Variants in SCUBE3 observed in about 807,000 individuals in gnomAD.
The protein encoded by SCUBE3 is signal peptide, CUB domain and EGF like domain containing 3.
In SCUBE3, 33 loss-of-function variants were observed where a neutral mutation model predicts 116.8. The ratio of observed to expected loss-of-function variants is 0.28; its 90% CI spans 0.21 to 0.38. SCUBE3 has a LOEUF of 0.38. SCUBE3 is among the 10% of genes least tolerant of loss of function. SCUBE3 has a pLI of 1.00. For synonymous variants in SCUBE3, 418 were observed against 496.9 expected (o/e 0.84, Z 2.11); for missense variants, 1,007 against 1,324.8 (o/e 0.76, Z 3.72).
At chr6:35,230,929 A>C (rs1245876307) in intron 3 of SCUBE3, among the ~76,000 whole-genome samples, 1 of 152,176 alleles carries the variant, frequency 6.6e-6, no homozygotes, top group East Asian at 1.9e-4. Context: ...AGATGGAATC[A>C]AGGTGTTGAA....
chr6:35,246,362 T>C, intron 21 of SCUBE3, 77 bp downstream of exon 21: 1 of 1,024,586 alleles, frequency 9.8e-7, no homozygotes, highest in Non-Finnish European at 1.5e-6. Context: ...GCTAAGTGCT[T>C]ACATGAATAT....
At chr6:35,215,250 G>A (rs1289416558) in intron 1 of SCUBE3, among the ~76,000 whole-genome samples, 1 of 152,098 alleles carries the variant, frequency 6.6e-6, no homozygotes, top group East Asian at 1.9e-4. Context: ...ATTCCAGGCC[G>A]GGGAGCTCTG....
At chr6:35,227,824 G>T (rs1248772446) in intron 2 of SCUBE3, 122 bp downstream of exon 2, 1 of 1,068,914 alleles carries the variant, frequency 9.4e-7, no homozygotes, top group Non-Finnish European at 1.4e-6. Context: ...CAAGTGGTGG[G>T]GGGGTGGTGA....
chr6:35,244,658 T>C lies in SCUBE3; in HGVS notation c.2248T>C (p.Ser750Pro). The C allele has an allele frequency of 6.2e-7, 1 of 1,613,880 alleles. No homozygotes were observed. The highest frequency in any genetic ancestry group is 8.5e-7 in the Non-Finnish European group (1 of 1,179,838). Reference protein sequence around the residue: ...FQDCDTKVQCSPGHYYNTSIH... With the variant: ...FQDCDTKVQCPPGHYYNTSIH... ...TTCTCCCTTGCCTACAGTCCAGTGCTCCCCAGGGCACTACTACAACACCAG... is the reference window on the plus strand; with the variant it reads ...TTCTCCCTTGCCTACAGTCCAGTGCCCCCCAGGGCACTACTACAACACCAG... Residue 750 changes from serine to proline, a missense_variant, in exon 18 of 22, where the codon TCC becomes CCC. By Grantham distance (74) the Ser-to-Pro change is moderately conservative. Coordinates refer to ENST00000274938, the MANE Select transcript of SCUBE3 (RefSeq NM_152753.4). This position sits in a 1 kb window ranked among gnomAD's most constrained non-coding sequence, Gnocchi z 4.3.
At position 35,231,765 on chromosome 6, in the gene SCUBE3, G is replaced by A. The variant is rs768277501; in HGVS notation, c.375G>A (p.Gln125=). The part of the protein sequence containing the change: ...ECAEGNGGCQ[Q]SCVNMMGSYE... ...CCGAGGGCAACGGCGGCTGTCAGCA[G>A]AGCTGTGTCAACATGATGGGCAGCT... is the stretch of plus-strand genomic sequence containing the variant. The change falls in exon 4 of 22, where the codon CAG becomes CAA. Residue 125 remains glutamine, a synonymous_variant. Coordinates refer to ENST00000274938, the MANE Select transcript of SCUBE3 (RefSeq NM_152753.4). This position sits in a 1 kb window ranked among gnomAD's most constrained non-coding sequence, Gnocchi z 4.2. 6.2e-7 allele frequency: 1 copy of A among 1,613,650 alleles called. No individual in the cohort carries two copies. The highest frequency in any genetic ancestry group is 1.1e-5 in the South Asian group (1 of 91,082).
In SCUBE3 at chr6:35,245,152, T is replaced by A. The variant is rs1784279017; in HGVS notation, c.2402-76T>A. The A allele has an allele frequency of 9.7e-6, 13 of 1,346,890 alleles. No individual in the cohort carries two copies. In the South Asian group the frequency reaches 1.6e-4, roughly 16 times the overall value. 83.4% of individuals were successfully genotyped at this position (1,346,890 alleles called of 1,614,324 possible). A position where few individuals can be genotyped will look rare whatever the true frequency, so the allele number is the denominator to read the frequency against. ...AAATGTCTGACCTCTACTTCAGAAC[T>A]CTTCAATTCCCCCAGCACACTTCCC... is the stretch of plus-strand genomic sequence containing the variant. On this transcript the variant is annotated intron_variant, in intron 18 of 21. Coordinates refer to ENST00000274938, the MANE Select transcript of SCUBE3 (RefSeq NM_152753.4). The surrounding 1 kb of genome is among the most constrained non-coding windows in gnomAD (Gnocchi z 4.2).
In SCUBE3 at chr6:35,244,024, T is replaced by C; in HGVS notation, c.2133T>C (p.Arg711=). The C allele has an allele frequency of 1.2e-6, 2 of 1,614,164 alleles. No homozygotes were observed. The highest frequency in any genetic ancestry group is 1.7e-6 in the Non-Finnish European group (2 of 1,180,008). ...DGFKPCQPCP[R]GTYQPEAGRT... ...TCAAGCCCTGTCAGCCATGCCCACG[T>C]GGCACCTACCAACCTGAAGCAGGAC... The change falls in exon 17 of 22, where the codon CGT becomes CGC. Residue 711 remains arginine, a synonymous_variant. Transcript: ENST00000274938. The surrounding 1 kb of genome is among the most constrained non-coding windows in gnomAD (Gnocchi z 4.3).
chr6:35,231,584 A>T lies in SCUBE3; in HGVS notation c.335-141A>T. 1.7e-6 allele frequency: 1 copy of T among 597,238 alleles called. No homozygotes were observed. Among genetic ancestry groups the T allele is most frequent in the Non-Finnish European group, 2.7e-6 (1 of 377,170 alleles). The allele number at this position is 597,238 out of a possible 1,614,324, so 37.0% of individuals were successfully genotyped here. A position where few individuals can be genotyped will look rare whatever the true frequency, so the allele number is the denominator to read the frequency against. ...TTTACACTTAGTGAAATATTAGCTG[A>T]CAAGGGTGTGAGGACTTCCTGGCTT... On this transcript the variant is annotated intron_variant, in intron 3 of 21. Coordinates refer to ENST00000274938, the MANE Select transcript of SCUBE3 (RefSeq NM_152753.4). The surrounding 1 kb of genome is among the most constrained non-coding windows in gnomAD (Gnocchi z 4.2).
At position 35,243,495 on chromosome 6, in the gene SCUBE3, C is replaced by T; in HGVS notation, c.1910-99C>T. 8.5e-7 allele frequency: 1 copy of T among 1,180,686 alleles called. No homozygotes were observed. Among genetic ancestry groups the T allele is most frequent in the East Asian group, 2.6e-5 (1 of 38,904 alleles). The allele number at this position is 1,180,686 out of a possible 1,614,324, so 73.1% of individuals were successfully genotyped here. On this transcript the variant is annotated intron_variant, in intron 15 of 21. Coordinates refer to ENST00000274938, the MANE Select transcript of SCUBE3 (RefSeq NM_152753.4). This position sits in a 1 kb window ranked among gnomAD's most constrained non-coding sequence, Gnocchi z 6.6. Reference sequence around the variant, plus strand: ...GTTTGTTCCCTGACAGAGATTCTCCCTGAATCGGGGGTTGTGGCGGGGAGT... The same window carrying T: ...GTTTGTTCCCTGACAGAGATTCTCCTTGAATCGGGGGTTGTGGCGGGGAGT...
chr6:35,247,596 A>G (rs997940988), intron 21 of SCUBE3, among the ~76,000 whole-genome samples: 1 of 152,220 alleles, frequency 6.6e-6, no homozygotes, highest in African/African-American at 2.4e-5. Context: ...GACTTCAAAG[A>G]ATATACTTTT....
rs76392901 is a variant in SCUBE3 at position 35,245,783 on chromosome 6, T to C, written c.2600-161T>C. ...ATTGTGGAATGAGCCCAGTGGGCAA[T>C]GGGAGAGGGTGTGGGGTAGGGTGTG... On this transcript the variant is annotated intron_variant, in intron 19 of 21. Coordinates refer to ENST00000274938, the MANE Select transcript of SCUBE3 (RefSeq NM_152753.4). The surrounding 1 kb of genome is among the most constrained non-coding windows in gnomAD (Gnocchi z 4.2). Among the ~76,000 whole-genome samples, 1,427 of 152,184 alleles carry C rather than the reference T, an allele frequency of 9.4e-3. 26 individuals are homozygous for C. The highest frequency in any genetic ancestry group is 0.033 in the African/African-American group (1,364 of 41,514).
chr6:35,246,632 T>G (rs996886008), intron 21 of SCUBE3, among the ~76,000 whole-genome samples: 1 of 152,198 alleles, frequency 6.6e-6, no homozygotes, highest in Non-Finnish European at 1.5e-5. Context: ...AGAAAGATAC[T>G]TTTGCATAAG....
Position 35,243,235 on chromosome 6 carries a change from T to C in SCUBE3, c.1908T>C (p.Cys636=). 1 of 1,613,108 alleles carries C rather than the reference T, an allele frequency of 6.2e-7. No homozygotes were observed. Among genetic ancestry groups the C allele is most frequent in the Non-Finnish European group, 8.5e-7 (1 of 1,179,554 alleles). ...RPGQHRAGTK[C]VSCPQGTYYH... ...GGCAGCACCGTGCTGGGACCAAGTG[T>C]GGTAAGGGAGCTTACTGGGGAGCAG... The change falls in exon 15 of 22, where the codon TGT becomes TGC. Residue 636 remains cysteine, a splice_region_variant and synonymous_variant. Transcript: ENST00000274938. This position sits in a 1 kb window ranked among gnomAD's most constrained non-coding sequence, Gnocchi z 6.6.
chr6:35,214,369 C>G lies in SCUBE3; in HGVS notation c.-50C>G, dbSNP rs1782799554. On this transcript the variant is annotated 5_prime_UTR_variant, in exon 1 of 22. Coordinates refer to ENST00000274938, the MANE Select transcript of SCUBE3 (RefSeq NM_152753.4). This position sits in a 1 kb window ranked among gnomAD's most constrained non-coding sequence, Gnocchi z 6.3. ...TGGGATCCGGCCGGCTTCCGCCCTC[C>G]CCTGGCCGCGAGACCGGCCCCGGCG... The G allele has an allele frequency of 7.8e-7, 1 of 1,286,500 alleles. No homozygotes were observed. The highest frequency in any genetic ancestry group is 3.1e-5 in the East Asian group (1 of 31,962). The allele number at this position is 1,286,500 out of a possible 1,614,324, so 79.7% of individuals were successfully genotyped here.
At position 35,241,227 on chromosome 6, in the gene SCUBE3, G is replaced by C; in HGVS notation, c.1156G>C (p.Gly386Arg). 1.2e-6 allele frequency: 2 copies of C among 1,602,588 alleles called. No homozygotes were observed. The highest frequency in any genetic ancestry group is 1.7e-6 in the Non-Finnish European group (2 of 1,170,646). ...PGSYQCTCPA[G>R]QGRLHWNGKD... ...CAGCTACCAGTGTACCTGCCCAGCA[G>C]GCCAGGGTCGGCTGCACTGGAATGG... The change falls in exon 10 of 22, where the codon GGC becomes CGC. Residue 386 changes from glycine (G) to arginine (R), a missense_variant. Gly to Arg is a moderately radical substitution (Grantham distance 125). Around this residue, in one of 5 missense-constraint regions of SCUBE3, gnomAD observed 544 missense variants for 638.9 expected, o/e 0.85. Coordinates refer to ENST00000274938, the MANE Select transcript of SCUBE3 (RefSeq NM_152753.4). This position sits in a 1 kb window ranked among gnomAD's most constrained non-coding sequence, Gnocchi z 4.1.
intron 1 of SCUBE3, chr6:35,223,886 CAA>C (rs1019551007): frequency 1.3e-5 from 2 of 152,184 alleles, no homozygotes; most frequent in Admixed American, 1.3e-4. Context: ...TGTTCTGCTT[CAA>C]AAGACTCCAA....
In SCUBE3 at chr6:35,243,890, CCT is replaced by C. The variant is rs66892629; in HGVS notation, c.2072-72_2072-71del. The C allele has an allele frequency of 8.1e-3, 12,605 of 1,550,460 alleles. 882 individuals carry two copies. The African/African-American group carries it at 0.15, about 18-fold the overall frequency. On this transcript the variant is annotated intron_variant, in intron 16 of 21. Transcript: ENST00000274938. This position sits in a 1 kb window ranked among gnomAD's most constrained non-coding sequence, Gnocchi z 6.6. The stretch of plus-strand genomic sequence containing the variant: ...ACATCCTGTTTGTATACCTTTGTCC[CCT>C]GAGATCGGGTGACCCCATGGGGATG...
At chr6:35,226,307 G>A (rs1024550527) in intron 1 of SCUBE3, among the ~76,000 whole-genome samples, 25 of 151,962 alleles carry the variant, frequency 1.6e-4, no homozygotes, top group Admixed American at 2.6e-4. Context: ...CATGTTTTTT[G>A]TTTCTCCTTT....
intron 1 of SCUBE3, among the ~76,000 whole-genome samples, chr6:35,226,359 A>G (rs1346665321): frequency 6.6e-6 from 1 of 152,014 alleles, no homozygotes; most frequent in Admixed American, 6.6e-5. Context: ...AGCTATCATT[A>G]TAGTGTCTTT....
Sources: allele counts gnomAD v4.1 joint callset (sites outside exome capture counted in the v4.1 genomes callset), GRCh38; gene constraint gnomAD v4.1.1; regional missense constraint gnomAD v4.1.1; non-coding constraint Gnocchi (gnomAD v3.1); transcripts MANE v1.5; gene names NCBI Gene and HGNC (gene_info 2026-07-23, HGNC 2026-07-21).